Variants in OR7C1 observed in about 807,000 individuals in gnomAD.
OR7C1 encodes olfactory receptor family 7 subfamily C member 1, also known as olfactory receptor 7C1.
For missense variants in OR7C1, 324 were observed against 383.3 expected, an observed-to-expected ratio of 0.85 and a Z score of 1.29; for synonymous variants, 152 against 160.7, an observed-to-expected ratio of 0.95 and a Z score of 0.41.
At chr19:14,802,334 A>C (rs1387983727) in intron 2 of OR7C1, among the ~76,000 whole-genome samples, 1 of 152,104 alleles carries the variant, frequency 6.6e-6, no homozygotes, top group East Asian at 1.9e-4. Flanking sequence ...AGCCTGGGCG[A>C]CATGGTGAAA....
At chr19:14,799,248 T>C (rs1336364790) in exon 5 of OR7C1, 2 of 1,614,160 alleles carry the variant, frequency 1.2e-6, no homozygotes, top group Non-Finnish European at 1.7e-6. Flanking sequence ...GCCCTCTTCA[T>C]GTCCGTGTTC....
chr19:14,799,313 GAGGCCACCAGACTTGTCCTAGA>G lies in OR7C1; in HGVS notation c.802_823del (p.Ser268GlnfsTer2). On this transcript the variant is annotated frameshift_variant, in exon 5 of 5. Transcript: ENST00000641666. LOFTEE classifies it low-confidence loss of function (END_TRUNC). ...GGGGGTGACCATGGTGTACATCACT[GAGGCCACCAGACTTGTCCTAGA>G]AGATGGTGTGGCTGCAGAACTGAGA... The G allele has an allele frequency of 1.2e-6, 2 of 1,614,138 alleles. No individual in the cohort carries two copies. The highest frequency in any genetic ancestry group is 8.5e-7 in the Non-Finnish European group (1 of 1,180,026).
At chr19:14,824,885 G>A (rs560277940) in intron 1 of OR7C1, 23 of 152,108 alleles carry the variant, frequency 1.5e-4, no homozygotes, top group Non-Finnish European at 2.8e-4. Context: ...GCCAGAGAGA[G>A]GAATAAAAAA....
intron 1 of OR7C1, among the ~76,000 whole-genome samples, chr19:14,816,969 T>G (rs115378091): frequency 0.011 from 1,612 of 152,188 alleles, 22 homozygotes; most frequent in African/African-American, 0.036. Flanking sequence ...ATCAGACACT[T>G]ACGGGTTAGT....
chr19:14,807,907 C>A lies in OR7C1; in HGVS notation c.-435+1899G>T, dbSNP rs940091167. 1.4e-4 allele frequency among the ~76,000 whole-genome samples: 20 copies of A among 146,928 alleles called. 1 individual carries two copies. The highest frequency in any genetic ancestry group is 2.2e-4 in the Non-Finnish European group (15 of 66,938). On this transcript the variant is annotated intron_variant, in intron 2 of 4. Transcript: ENST00000641666. ...CGAGACTCAGTCTCAAAAAAAAAAA[C>A]AAACAAACAGTCTTTAGAAGCAGTC...
chr19:14,811,078 C>T (rs999015386), intron 1 of OR7C1, among the ~76,000 whole-genome samples: 5 of 151,866 alleles, frequency 3.3e-5, no homozygotes, highest in African/African-American at 1.2e-4. Flanking sequence ...TGTTCTCTGT[C>T]ACAATACTTA....
intron 2 of OR7C1, among the ~76,000 whole-genome samples, chr19:14,804,512 A>T (rs771689733): frequency 6.7e-6 from 1 of 150,160 alleles, no homozygotes; most frequent in Non-Finnish European, 1.5e-5. Context: ...ATATTATGAG[A>T]CATGCAATGA....
chr19:14,809,538 GAAGCAAGAAGAAACAGAGATTGA>G lies in OR7C1; in HGVS notation c.-435+245_-435+267del, dbSNP rs879568707. Among the ~76,000 whole-genome samples the G allele has an allele frequency of 2.2e-3, 336 of 150,150 alleles. 1 individual carries two copies. The highest frequency in any genetic ancestry group is 3.8e-3 in the Non-Finnish European group (256 of 67,624). ...TGAAAGCAAGAAGAAACAGAGATTG[GAAGCAAGAAGAAACAGAGATTGA>G]AAGCAAGAAGAAACAGAGATTGAAA... On this transcript the variant is annotated intron_variant, in intron 2 of 4. Coordinates refer to ENST00000641666, the Ensembl canonical transcript of OR7C1.
chr19:14,817,726 A>G (rs1315572625), intron 1 of OR7C1, among the ~76,000 whole-genome samples: 1 of 152,196 alleles, frequency 6.6e-6, no homozygotes. Context: ...TTAGTATGCT[A>G]AAAAGAGCAG....
At chr19:14,819,969 C>G (rs1210732559) in intron 1 of OR7C1, among the ~76,000 whole-genome samples, 1 of 152,162 alleles carries the variant, frequency 6.6e-6, no homozygotes. Context: ...TGCAGTGGCA[C>G]AATTTCAGCT....
chr19:14,818,561 C>T (rs1456097027), intron 1 of OR7C1, among the ~76,000 whole-genome samples: 1 of 152,148 alleles, frequency 6.6e-6, no homozygotes, highest in Non-Finnish European at 1.5e-5. Flanking sequence ...GTTCCTGTTT[C>T]TATTGCAAAC....
At chr19:14,822,423 C>T (rs1440940655) in intron 1 of OR7C1, among the ~76,000 whole-genome samples, 6 of 120,666 alleles carry the variant, frequency 5.0e-5, no homozygotes, top group African/African-American at 6.4e-5. Context: ...CTCGCTCTGT[C>T]GCCCAGGCTA....
At chr19:14,818,385 C>T (rs2044726453) in intron 1 of OR7C1, among the ~76,000 whole-genome samples, 1 of 152,056 alleles carries the variant, frequency 6.6e-6, no homozygotes, top group Non-Finnish European at 1.5e-5. Flanking sequence ...TGAGCCACCG[C>T]GCCCGGCTGA....
chr19:14,805,389 C>CA (rs2044661415), intron 2 of OR7C1, among the ~76,000 whole-genome samples: 1 of 149,020 alleles, frequency 6.7e-6, no homozygotes, highest in Non-Finnish European at 1.5e-5. Context: ...AGGCAGGACC[C>CA]AAGAAACAGG....
rs578007113 is a variant in OR7C1, at chr19:14,827,401, C to T, written c.-623+7673G>A. 18 of 1,614,024 alleles carry T rather than the reference C, an allele frequency of 1.1e-5. No homozygotes were observed. The South Asian group carries it at 1.9e-4, about 17-fold the overall frequency. ...ATAAAGGGGTTCAGCATGGGGGTGA[C>T]CACAGTGTACATCACTGAGGCTGTT... On this transcript the variant is annotated intron_variant, in intron 1 of 4. Transcript: ENST00000641666.
At chr19:14,828,758 C>CA (rs58983718) in intron 1 of OR7C1, among the ~76,000 whole-genome samples, 868 of 35,104 alleles carry the variant, frequency 0.025, 97 homozygotes, top group Non-Finnish European at 0.027. Flanking sequence ...GACTCCATCT[C>CA]AAAAAAAAAA....
At chr19:14,827,140 T>C in intron 1 of OR7C1, 1 of 828,798 alleles carries the variant, frequency 1.2e-6, no homozygotes, top group Non-Finnish European at 1.7e-6. Context: ...AAGGAGTTGC[T>C]TAAATTCTAC....
At chr19:14,821,938 C>G (rs186232146) in intron 1 of OR7C1, among the ~76,000 whole-genome samples, 36 of 152,304 alleles carry the variant, frequency 2.4e-4, no homozygotes, top group Middle Eastern at 3.4e-3. Context: ...TTAAGATTCC[C>G]CATGTACGAG....
intron 2 of OR7C1, among the ~76,000 whole-genome samples, chr19:14,809,584 A>AAAGCAAGAAGAAACAGAGATTGG (rs1568249033): frequency 2.4e-4 from 36 of 151,008 alleles, no homozygotes; most frequent in African/African-American, 8.8e-4. Context: ...ACAGAGATTG[A>AAAGCAAGAAGAAACAGAGATTGG]AAGCAAGAAG....
Sources: gnomAD v4.1 joint callset for allele counts (sites outside exome capture counted in the v4.1 genomes callset) on GRCh38, gnomAD v4.1.1 for gene constraint, MANE v1.5 for transcripts, NCBI Gene and HGNC (gene_info 2026-07-23, HGNC 2026-07-21) for gene names.